Variants in CDK5RAP2 observed in about 807,000 individuals in gnomAD.
CDK5RAP2 encodes the protein CDK5 regulatory subunit-associated protein 2.
Under a neutral mutation model 232.9 loss-of-function variants are expected in CDK5RAP2, and 147 were observed. That is an observed-to-expected ratio of 0.63 (90% CI 0.55 to 0.72). CDK5RAP2 has a LOEUF of 0.72. Ranked by LOEUF, CDK5RAP2 falls within the 30% of genes least tolerant of loss-of-function variation. The pLI is 0.00. For missense variants in CDK5RAP2, 2,195 were observed against 2,231.5 expected, an observed-to-expected ratio of 0.98 and a Z score of 0.33; for synonymous variants, 833 against 833.7, an observed-to-expected ratio of 1.00 and a Z score of 0.01.
chr9:120,454,505 G>C (rs2036645264), intron 20 of CDK5RAP2, among the ~76,000 whole-genome samples: 1 of 152,240 alleles, frequency 6.6e-6, no homozygotes, highest in Non-Finnish European at 1.5e-5. Context: ...AGACAGCTAT[G>C]AGGATTAAAC....
intron 12 of CDK5RAP2, among the ~76,000 whole-genome samples, chr9:120,500,130 G>C (rs1384287801): frequency 2.6e-5 from 4 of 152,206 alleles, no homozygotes; most frequent in African/African-American, 9.6e-5. Flanking sequence ...GGGACAGGTG[G>C]CGAGGCAGTG....
Position 120,443,696 on chromosome 9 carries a change from C to T in CDK5RAP2, c.3072G>A (p.Gln1024=). Residue 1024 remains glutamine (Q), a synonymous_variant, in exon 23 of 38, where the codon CAG becomes CAA. Transcript: ENST00000349780. Reference sequence around the variant, plus strand: ...CAGAAGATGTGGTTTTAATTCCTTTCTGCTCTCCTGGGCTGTCCTGGTAGG... The same window carrying T: ...CAGAAGATGTGGTTTTAATTCCTTTTTGCTCTCCTGGGCTGTCCTGGTAGG... ...GAAYQDSPGE[Q]KGIKTTSSVW... 1 of 1,614,136 alleles carries T rather than the reference C, an allele frequency of 6.2e-7. No individual in the cohort carries two copies. Among genetic ancestry groups the T allele is most frequent in the Non-Finnish European group, 8.5e-7 (1 of 1,180,002 alleles).
At chr9:120,539,193 T>G (rs758099123) in intron 5 of CDK5RAP2, 29 bp from the exon 6 acceptor site, 1 of 1,613,434 alleles carries the variant, frequency 6.2e-7, no homozygotes, top group Admixed American at 1.7e-5. Context: ...GGGTAAAACA[T>G]GCAAGGGTGA....
chr9:120,429,407 A>C (rs923198381), intron 25 of CDK5RAP2, among the ~76,000 whole-genome samples: 73 of 152,286 alleles, frequency 4.8e-4, no homozygotes, highest in Middle Eastern at 3.4e-3. Context: ...CAACTTCAGC[A>C]AAGTCTCAGG....
intron 35 of CDK5RAP2, among the ~76,000 whole-genome samples, chr9:120,399,967 T>C (rs1225413775): frequency 2.0e-5 from 3 of 152,192 alleles, no homozygotes; most frequent in Admixed American, 2.0e-4. Flanking sequence ...GTTAACTAAA[T>C]GAGATAATGA....
At chr9:120,487,134 G>A (rs1334188113) in intron 14 of CDK5RAP2, among the ~76,000 whole-genome samples, 160 bp downstream of exon 14, 2 of 152,216 alleles carry the variant, frequency 1.3e-5, no homozygotes, top group Non-Finnish European at 2.9e-5. Context: ...ATATTAATCT[G>A]TAACGTGGTA....
chr9:120,530,318 T>C (rs2041094070), intron 7 of CDK5RAP2, among the ~76,000 whole-genome samples, 178 bp from the exon 8 acceptor site: 2 of 152,194 alleles, frequency 1.3e-5, no homozygotes. Flanking sequence ...TGACATTAAC[T>C]GGTCCCCTGC....
Position 120,458,477 on chromosome 9 carries a change from T to C in CDK5RAP2, c.2348A>G (p.Glu783Gly). 3 of 1,614,178 alleles carry C rather than the reference T, an allele frequency of 1.9e-6. No individual in the cohort carries two copies. Among genetic ancestry groups the C allele is most frequent in the African/African-American group, 1.3e-5 (1 of 75,058 alleles). Residue 783 changes from glutamate to glycine, a missense_variant, in exon 20 of 38, where the codon GAG becomes GGG. Physicochemically the swap from Glu to Gly is moderately conservative, Grantham distance 98. Coordinates refer to ENST00000349780, the MANE Select transcript of CDK5RAP2 (RefSeq NM_018249.6). The stretch of plus-strand genomic sequence containing the variant: ...GGATTCCAGTAATAATGTGGCCTTC[T>C]CATTGAACAAAGGGGCAAGCAGGTT... Reference protein sequence around the residue: ...FINLLAPLFNEKATLLLESRP... With the variant: ...FINLLAPLFNGKATLLLESRP...
At position 120,471,821 on chromosome 9, in the gene CDK5RAP2, C is replaced by T; in HGVS notation, c.1785G>A (p.Glu595=). The change falls in exon 16 of 38, where the codon GAG becomes GAA. Residue 595 remains glutamate (E), a synonymous_variant. Coordinates refer to ENST00000349780, the MANE Select transcript of CDK5RAP2 (RefSeq NM_018249.6). ...NKIFALRKQL[E]QDVLSYQNLR... Reference sequence around the variant, plus strand: ...AATTCTGATATGAAAGCACATCCTGCTCCAGTTGCTTCCGCAGGGCAAAAA... The same window carrying T: ...AATTCTGATATGAAAGCACATCCTGTTCCAGTTGCTTCCGCAGGGCAAAAA... 1 of 1,613,784 alleles carries T rather than the reference C, an allele frequency of 6.2e-7. No homozygotes were observed. Among genetic ancestry groups the T allele is most frequent in the South Asian group, 1.1e-5 (1 of 91,084 alleles).
chr9:120,468,595 T>C (rs1052239551), intron 17 of CDK5RAP2, among the ~76,000 whole-genome samples: 1 of 152,264 alleles, frequency 6.6e-6, no homozygotes, highest in Non-Finnish European at 1.5e-5. Flanking sequence ...CAGACTAGTG[T>C]GTCTCTCTCC....
chr9:120,400,898 T>A lies in CDK5RAP2; in HGVS notation c.5308-13A>T. ...CTGGGTGTGGACCCTACACGGGGGA[T>A]ATGAAGGCTGTTACGTGCAGTCTTG... On this transcript the variant is annotated splice_polypyrimidine_tract_variant and intron_variant, in intron 34 of 37. Coordinates refer to ENST00000349780, the MANE Select transcript of CDK5RAP2 (RefSeq NM_018249.6). 6.2e-7 allele frequency: 1 copy of A among 1,614,088 alleles called. No homozygotes were observed. Among genetic ancestry groups the A allele is most frequent in the Non-Finnish European group, 8.5e-7 (1 of 1,180,006 alleles).
Position 120,525,080 on chromosome 9 carries a change from TGG to T in CDK5RAP2, c.1000-4_1000-3del. 6.2e-7 allele frequency: 1 copy of T among 1,612,654 alleles called. No homozygotes were observed. The highest frequency in any genetic ancestry group is 8.5e-7 in the Non-Finnish European group (1 of 1,178,736). ...AATTTCAGAGTTAAGTTCTTCAACCTGGGGAAAAATAATGAATACCAGCCAAG... is the reference window on the plus strand; with the variant it reads ...AATTTCAGAGTTAAGTTCTTCAACCTGGAAAAATAATGAATACCAGCCAAG... On this transcript the variant is annotated splice_region_variant and splice_polypyrimidine_tract_variant and intron_variant, in intron 10 of 37. Transcript: ENST00000349780.
intron 26 of CDK5RAP2, among the ~76,000 whole-genome samples, chr9:120,421,415 G>C (rs993616668): frequency 3.9e-5 from 6 of 152,176 alleles, no homozygotes; most frequent in African/African-American, 1.2e-4. Context: ...TGGGAGAAGA[G>C]TATTTCTTTT....
intron 35 of CDK5RAP2, among the ~76,000 whole-genome samples, chr9:120,398,994 A>G (rs2032752909): frequency 6.6e-6 from 1 of 152,258 alleles, no homozygotes; most frequent in Non-Finnish European, 1.5e-5. Context: ...AAGTGGCTAG[A>G]GGCAATTTAA....
At chr9:120,571,152 T>C (rs1223925427) in intron 2 of CDK5RAP2, among the ~76,000 whole-genome samples, 1 of 152,098 alleles carries the variant, frequency 6.6e-6, no homozygotes, top group African/African-American at 2.4e-5. Flanking sequence ...GACAAGACCA[T>C]GTCTCAAAAA....
At chr9:120,489,207 G>A (rs915411363) in intron 13 of CDK5RAP2, among the ~76,000 whole-genome samples, 9 of 152,098 alleles carry the variant, frequency 5.9e-5, no homozygotes, top group Non-Finnish European at 1.0e-4. Flanking sequence ...TGAGAATTCC[G>A]ATGTCATTCC....
chr9:120,532,238 T>A (rs1489901512), intron 7 of CDK5RAP2, among the ~76,000 whole-genome samples: 3 of 152,146 alleles, frequency 2.0e-5, no homozygotes, highest in Non-Finnish European at 4.4e-5. Context: ...TGGCAACTAA[T>A]TCACACTTTA....
In CDK5RAP2 at chr9:120,453,956, C is replaced by CA. The variant is rs1389076454; in HGVS notation, c.2376-84dup. The CA allele has an allele frequency of 2.2e-6, 3 of 1,377,564 alleles. No individual in the cohort carries two copies. In the African/African-American group the frequency reaches 4.3e-5, roughly 20 times the overall value. 85.3% of individuals were successfully genotyped at this position (1,377,564 alleles called of 1,614,324 possible). The stretch of plus-strand genomic sequence containing the variant: ...CCTAGCCAGTATCCCAAGTTATCCC[C>CA]ACCTACTGTTGCCCAGATTCCATCA... On this transcript the variant is annotated intron_variant, in intron 20 of 37. Transcript: ENST00000349780.
At chr9:120,579,783 C>A (rs765252764) in intron 1 of CDK5RAP2, 137 bp downstream of exon 1, 1 of 691,988 alleles carries the variant, frequency 1.4e-6, no homozygotes. Context: ...CCCAGAGACC[C>A]TCTCCGAAGG....
Sources: gnomAD v4.1 joint callset for allele counts (sites outside exome capture counted in the v4.1 genomes callset) on GRCh38, gnomAD v4.1.1 for gene constraint, MANE v1.5 for transcripts, NCBI Gene and HGNC (gene_info 2026-07-23, HGNC 2026-07-21) for gene names.